Variants in ZNF883 observed in about 807,000 individuals in gnomAD.
ZNF883 encodes zinc finger protein 883.
chr9:113,007,935 G>T (rs1828494755), intron 2 of ZNF883, among the ~76,000 whole-genome samples: 1 of 148,772 alleles, frequency 6.7e-6, no homozygotes, highest in East Asian at 1.9e-4. Context: ...GAAAAAGAAG[G>T]AAAAGGAGAA....
At chr9:113,008,553 T>C (rs1748652028) in intron 2 of ZNF883, among the ~76,000 whole-genome samples, 1 of 152,234 alleles carries the variant, frequency 6.6e-6, no homozygotes. Context: ...TCTCTCACAG[T>C]AAATTAAGTG....
intron 2 of ZNF883, among the ~76,000 whole-genome samples, chr9:113,006,246 AT>A (rs906091527): frequency 1.9e-4 from 29 of 152,296 alleles, no homozygotes; most frequent in Admixed American, 8.5e-4. Flanking sequence ...TGCCATGGCA[AT>A]GCCCAAAGTT....
At chr9:113,003,787 T>G (rs1207289777) in intron 2 of ZNF883, among the ~76,000 whole-genome samples, 1 of 151,884 alleles carries the variant, frequency 6.6e-6, no homozygotes, top group Non-Finnish European at 1.5e-5. Flanking sequence ...AAGGGCAGAG[T>G]AACTTCAAAG....
intron 1 of ZNF883, among the ~76,000 whole-genome samples, chr9:112,991,259 G>A (rs1351767788): frequency 6.6e-6 from 1 of 151,938 alleles, no homozygotes; most frequent in Non-Finnish European, 1.5e-5. Context: ...CATTGCTTTA[G>A]CTGCATCACA....
chr9:113,007,706 A>C (rs1034801028), intron 2 of ZNF883, among the ~76,000 whole-genome samples: 1 of 152,214 alleles, frequency 6.6e-6, no homozygotes, highest in African/African-American at 2.4e-5. Flanking sequence ...AAATGATGTC[A>C]TAATGTCAGT....
intron 2 of ZNF883, among the ~76,000 whole-genome samples, chr9:113,007,213 G>A (rs1828487560): frequency 6.6e-6 from 1 of 152,172 alleles, no homozygotes; most frequent in Non-Finnish European, 1.5e-5. Flanking sequence ...AAATCTCCAT[G>A]TACTTAGTAG....
At chr9:112,993,048 C>T (rs1182585318), downstream of ZNF883, among the ~76,000 whole-genome samples, 1 of 152,204 alleles carries the variant, frequency 6.6e-6, no homozygotes, top group Non-Finnish European at 1.5e-5. Flanking sequence ...TTATTACCCA[C>T]CTTCTGAAGC....
upstream of ZNF883, chr9:112,998,332 A>G (rs559216367): frequency 5.5e-5 from 66 of 1,201,648 alleles, 1 homozygote; most frequent in South Asian, 1.6e-3. Flanking sequence ...TTGGCTTTTC[A>G]TTTATTTCCA....
At chr9:112,999,904 G>A (rs533989760), upstream of ZNF883, 1 of 152,268 alleles carries the variant, frequency 6.6e-6, no homozygotes, top group Non-Finnish European at 1.5e-5. Flanking sequence ...TAGTTGGGTG[G>A]AGTTGAAAGT....
intron 1 of ZNF883, among the ~76,000 whole-genome samples, chr9:112,989,695 A>G (rs1459915618): frequency 1.3e-5 from 2 of 152,186 alleles, no homozygotes; most frequent in East Asian, 3.8e-4. Context: ...CATTGAATCC[A>G]TAAATTACTT....
chr9:113,000,691 AAG>A (rs1214455471), upstream of ZNF883, among the ~76,000 whole-genome samples: 4 of 152,148 alleles, frequency 2.6e-5, no homozygotes, highest in South Asian at 2.1e-4. Flanking sequence ...ATGATAAAGA[AAG>A]AGAGGCTACC....
chr9:112,997,094 A>G (rs745687105), downstream of ZNF883: 5 of 1,550,156 alleles, frequency 3.2e-6, no homozygotes, highest in Non-Finnish European at 3.5e-6. Flanking sequence ...ATAACCTACG[A>G]CTGACTGCAG....
chr9:113,000,927 A>AG (rs1435106708), upstream of ZNF883, among the ~76,000 whole-genome samples: 1 of 152,144 alleles, frequency 6.6e-6, no homozygotes, highest in African/African-American at 2.4e-5. Context: ...AAGTAAAAAA[A>AG]CCATAAAGGC....
At chr9:112,998,511 A>C, upstream of ZNF883, 1 of 308,682 alleles carries the variant, frequency 3.2e-6, no homozygotes, top group Non-Finnish European at 5.9e-6. Flanking sequence ...TCCACTTCCC[A>C]TGGTTTCAGT....
At chr9:112,997,258 T>C in exon 1 of ZNF883, 1 of 1,614,152 alleles carries the variant, frequency 6.2e-7, no homozygotes, top group South Asian at 1.1e-5. Context: ...TAGTTAGAGC[T>C]GAGCTTAAGC....
chr9:112,993,242 C>G (rs778800888), downstream of ZNF883, among the ~76,000 whole-genome samples: 1 of 152,168 alleles, frequency 6.6e-6, no homozygotes, highest in Non-Finnish European at 1.5e-5. Flanking sequence ...GGCTGCTGAC[C>G]TTTGGATATG....
At chr9:112,989,004 G>C (rs992493801) in intron 1 of ZNF883, among the ~76,000 whole-genome samples, 7 of 152,000 alleles carry the variant, frequency 4.6e-5, no homozygotes, top group Admixed American at 2.0e-4. Flanking sequence ...ATTTGTTTAG[G>C]TTCCTTGTAG....
At chr9:112,991,162 A>T (rs376111304) in intron 1 of ZNF883, among the ~76,000 whole-genome samples, 1 of 151,452 alleles carries the variant, frequency 6.6e-6, no homozygotes, top group Admixed American at 6.6e-5. Context: ...CTTGGTTCTC[A>T]TTTTTTTAGT....
chr9:113,007,010 A>G (rs1828484590), intron 2 of ZNF883, among the ~76,000 whole-genome samples: 1 of 152,158 alleles, frequency 6.6e-6, no homozygotes, highest in South Asian at 2.1e-4. Context: ...CCTGTGCAAT[A>G]TGGTGAAACC....
Sources: allele counts gnomAD v4.1 joint callset (sites outside exome capture counted in the v4.1 genomes callset), GRCh38; gene constraint gnomAD v4.1.1; transcripts MANE v1.5; gene names NCBI Gene and HGNC (gene_info 2026-07-23, HGNC 2026-07-21).